Variants in LPIN1 observed in about 807,000 individuals in gnomAD.
LPIN1 encodes the protein lipin 1.
Under a neutral mutation model 107.5 loss-of-function variants are expected in LPIN1, and 71 were observed. The observed-to-expected ratio is 0.66, with a 90% CI of 0.55 to 0.80. LPIN1 has a LOEUF of 0.80. Ranked by LOEUF, LPIN1 falls within the 30% of genes least tolerant of loss-of-function variation. The pLI is 0.00. For synonymous variants in LPIN1, 445 were observed against 452.6 expected, an observed-to-expected ratio of 0.98 and a Z score of 0.21; for missense variants, 1,043 against 1,160.6, an observed-to-expected ratio of 0.90 and a Z score of 1.47.
intron 1 of LPIN1, among the ~76,000 whole-genome samples, chr2:11,728,986 A>G (rs933651148): frequency 6.6e-6 from 1 of 152,230 alleles, no homozygotes; most frequent in Admixed American, 6.5e-5. Flanking sequence ...TTTGCTGTGC[A>G]GAAGCTCTTT....
At chr2:11,713,615 G>A in intron 1 of LPIN1, 1 of 575,012 alleles carries the variant, frequency 1.7e-6, no homozygotes, top group Non-Finnish European at 3.1e-6. Flanking sequence ...TTGGCATATA[G>A]CCTACATACC....
intron 1 of LPIN1, chr2:11,681,572 T>C (rs1661716121): frequency 6.5e-6 from 1 of 152,794 alleles, no homozygotes; most frequent in African/African-American, 2.4e-5. Flanking sequence ...CTTTTCTTTA[T>C]AAATTACCCA....
chr2:11,694,600 A>G (rs534488177), intron 1 of LPIN1, among the ~76,000 whole-genome samples: 1 of 152,274 alleles, frequency 6.6e-6, no homozygotes, highest in African/African-American at 2.4e-5. Flanking sequence ...TAATGCACCT[A>G]CCAAGTTCTC....
intron 1 of LPIN1, among the ~76,000 whole-genome samples, chr2:11,690,982 T>A (rs1431421882): frequency 6.6e-6 from 1 of 152,174 alleles, no homozygotes; most frequent in African/African-American, 2.4e-5. Context: ...GGATACATCA[T>A]GATGTAAGTC....
intron 12 of LPIN1, among the ~76,000 whole-genome samples, chr2:11,791,393 T>C (rs1675693777): frequency 1.3e-5 from 2 of 152,260 alleles, no homozygotes; most frequent in South Asian, 4.1e-4. Flanking sequence ...AGTATGAATT[T>C]TCTTTTTAAT....
chr2:11,771,392 G>C lies in LPIN1; in HGVS notation c.309G>C (p.Leu103=), dbSNP rs140846512. 1.2e-6 allele frequency: 2 copies of C among 1,614,186 alleles called. No individual in the cohort carries two copies. Among genetic ancestry groups the C allele is most frequent in the Admixed American group, 3.3e-5 (2 of 60,018 alleles). ...DNDQEVIPMH[L]ATSPILSEGA... Reference sequence around the variant, plus strand: ...CTTAGGAAGTTATCCCTATGCACCTGGCCACCTCCCCCATCCTGTCAGAAG... The same window carrying C: ...CTTAGGAAGTTATCCCTATGCACCTCGCCACCTCCCCCATCCTGTCAGAAG... Residue 103 remains leucine, a synonymous_variant, in exon 4 of 21, where the codon CTG becomes CTC. Coordinates refer to ENST00000674199, the MANE Select transcript of LPIN1 (RefSeq NM_001349206.2). The surrounding 1 kb of genome is among the most constrained non-coding windows in gnomAD (Gnocchi z 4.8).
intron 1 of LPIN1, among the ~76,000 whole-genome samples, chr2:11,755,580 G>A (rs554556933): frequency 1.3e-5 from 2 of 152,284 alleles, no homozygotes; most frequent in Admixed American, 1.3e-4. Context: ...CTGAGGAGAA[G>A]GTTGAGGCTG....
At chr2:11,797,307 C>T (rs1316720205) in intron 14 of LPIN1, among the ~76,000 whole-genome samples, 14 of 152,208 alleles carry the variant, frequency 9.2e-5, no homozygotes, top group African/African-American at 1.7e-4. Flanking sequence ...AACACCGATG[C>T]GGTAGACCCC....
chr2:11,824,332 A>G (rs1200087681), intron 20 of LPIN1, among the ~76,000 whole-genome samples: 1 of 151,386 alleles, frequency 6.6e-6, no homozygotes, highest in African/African-American at 2.4e-5. Context: ...TCCCATGGCC[A>G]TGGTGACTTC....
At position 11,797,630 on chromosome 2, in the gene LPIN1, G is replaced by A. The variant is rs753330620; in HGVS notation, c.1886+2143G>A. Among the ~76,000 whole-genome samples the A allele has an allele frequency of 3.9e-5, 6 of 152,264 alleles. No homozygotes were observed. In the South Asian group the frequency reaches 8.3e-4, roughly 21 times the overall value. On this transcript the variant is annotated intron_variant, in intron 14 of 20. Coordinates refer to ENST00000674199, the MANE Select transcript of LPIN1 (RefSeq NM_001349206.2). ...CTTGCATGGGGCTTGTAGCCCCTTCGTTTTGGCCAATTTGTCCCAATGGAA... is the reference window on the plus strand; with the variant it reads ...CTTGCATGGGGCTTGTAGCCCCTTCATTTTGGCCAATTTGTCCCAATGGAA...
chr2:11,683,689 T>A (rs1661849333), intron 1 of LPIN1, among the ~76,000 whole-genome samples: 1 of 152,136 alleles, frequency 6.6e-6, no homozygotes, highest in Admixed American at 6.5e-5. Flanking sequence ...GCTGTGGTCG[T>A]CGAGGTAAGC....
At chr2:11,753,693 G>A (rs1010664644) in intron 1 of LPIN1, among the ~76,000 whole-genome samples, 7 of 152,176 alleles carry the variant, frequency 4.6e-5, no homozygotes, top group African/African-American at 4.8e-5. Flanking sequence ...CTTATCAACC[G>A]CCGTTAAGTA....
At position 11,820,329 on chromosome 2, in the gene LPIN1, A is replaced by T. The variant is rs1274152069; in HGVS notation, c.2518-82A>T. 1.9e-5 allele frequency: 17 copies of T among 909,040 alleles called. No individual in the cohort carries two copies. The East Asian group carries it at 3.8e-4, about 20-fold the overall frequency. The allele number at this position is 909,040 out of a possible 1,614,324, so 56.3% of individuals were successfully genotyped here. On this transcript the variant is annotated intron_variant, in intron 19 of 20. Coordinates refer to ENST00000674199, the MANE Select transcript of LPIN1 (RefSeq NM_001349206.2). ...CTGGTTAATGAAAATTTGATATCTC[A>T]TCAAATCAGAAATACCATGGACTTG...
At chr2:11,797,459 T>A (rs1236380530) in intron 14 of LPIN1, among the ~76,000 whole-genome samples, 3 of 152,246 alleles carry the variant, frequency 2.0e-5, no homozygotes, top group Non-Finnish European at 4.4e-5. Flanking sequence ...ATGCAGGATG[T>A]CTGCCAAATC....
chr2:11,754,532 G>T (rs147753257), intron 1 of LPIN1, among the ~76,000 whole-genome samples: 108 of 152,344 alleles, frequency 7.1e-4, no homozygotes, highest in African/African-American at 2.5e-3. Flanking sequence ...CCTTCTGAGA[G>T]GCTCTGTCAG....
At chr2:11,817,135 A>T (rs892780721) in intron 18 of LPIN1, 2 of 152,116 alleles carry the variant, frequency 1.3e-5, no homozygotes, top group African/African-American at 4.8e-5. Flanking sequence ...CGTGGTGTAT[A>T]TGTGCCACAT....
chr2:11,722,996 T>C (rs1449920910), upstream of LPIN1, among the ~76,000 whole-genome samples: 1 of 152,214 alleles, frequency 6.6e-6, no homozygotes, highest in Non-Finnish European at 1.5e-5. Flanking sequence ...CCTTTGAACA[T>C]TAGAGCATAC....
At chr2:11,718,363 G>A (rs1663892012) in intron 2 of LPIN1, among the ~76,000 whole-genome samples, 2 of 152,028 alleles carry the variant, frequency 1.3e-5, no homozygotes, top group Non-Finnish European at 2.9e-5. Context: ...GAGTAGCTGG[G>A]ATTACAGGTG....
chr2:11,703,297 G>C (rs774904245), intron 1 of LPIN1, among the ~76,000 whole-genome samples: 1 of 152,084 alleles, frequency 6.6e-6, no homozygotes, highest in African/African-American at 2.4e-5. Context: ...ATTGGAGTAG[G>C]GATAGCGTGG....
Sources: gnomAD v4.1 joint callset for allele counts (sites outside exome capture counted in the v4.1 genomes callset) on GRCh38, gnomAD v4.1.1 for gene constraint, Gnocchi (gnomAD v3.1) non-coding constraint, MANE v1.5 for transcripts, NCBI Gene and HGNC (gene_info 2026-07-23, HGNC 2026-07-21) for gene names.